SIGLEC14: variants seen among roughly 807,000 people sequenced by gnomAD.
SIGLEC14 encodes the protein sialic acid-binding Ig-like lectin 14.
In SIGLEC14, 11 loss-of-function variants were observed where a neutral mutation model predicts 34.2. That is an observed-to-expected ratio of 0.32 (90% CI 0.20 to 0.53). SIGLEC14 has a LOEUF of 0.53. Ranked by LOEUF, SIGLEC14 falls within the 20% of genes least tolerant of loss-of-function variation. The pLI is 0.95. For missense variants in SIGLEC14, 264 were observed against 439.0 expected, an observed-to-expected ratio of 0.60 and a Z score of 3.56; for synonymous variants, 99 against 179.7, an observed-to-expected ratio of 0.55 and a Z score of 3.59.
chr19:51,640,181 A>AAAAC lies in SIGLEC14; in HGVS notation c.*3170_*3173dup, dbSNP rs202010613. Among the ~76,000 whole-genome samples the AAAAC allele has an allele frequency of 1.0e-4, 14 of 139,778 alleles. 1 individual carries two copies. The highest frequency in any genetic ancestry group is 4.8e-4 in the Admixed American group (7 of 14,452). 91.7% of individuals were successfully genotyped at this position (139,778 alleles called of 152,430 possible). ...CAGAGTGAACTCACCACAACACAAC[A>AAAAC]AAACAAACAAACAAAAAATCCTTAC... On this transcript the variant is annotated 3_prime_UTR_variant, in exon 7 of 7. Coordinates refer to ENST00000360844, the MANE Select transcript of SIGLEC14 (RefSeq NM_001098612.3).
intron 6 of SIGLEC14, 49 bp downstream of exon 6, chr19:51,643,488 G>GCCCCC: frequency 7.0e-6 from 9 of 1,290,040 alleles, no homozygotes; most frequent in Non-Finnish European, 9.0e-6. Context: ...GGACAGCTCA[G>GCCCCC]CCCCACCTGG....
chr19:51,643,452 A>C, intron 6 of SIGLEC14, 55 bp from the exon 7 acceptor site: 1 of 1,295,678 alleles, frequency 7.7e-7, no homozygotes, highest in Non-Finnish European at 1.0e-6. Flanking sequence ...TTCTAATTCC[A>C]GGTGGGGCTG....
In SIGLEC14 at chr19:51,643,605, CAGGGTG is replaced by C. The variant is rs1568598540; in HGVS notation, c.1074_1079del (p.Thr359_Leu360del). 1 of 1,530,502 alleles carries C rather than the reference CAGGGTG, an allele frequency of 6.5e-7. No homozygotes were observed. The highest frequency in any genetic ancestry group is 1.7e-5 in the Admixed American group (1 of 57,874). The allele number at this position is 1,530,502 out of a possible 1,614,324, so 94.8% of individuals were successfully genotyped here. On this transcript the variant is annotated inframe_deletion, in exon 6 of 7. Coordinates refer to ENST00000360844, the MANE Select transcript of SIGLEC14 (RefSeq NM_001098612.3). ...CAGCCCCCATGAGAGCCCCCCTGAT[CAGGGTG>C]AGGACGAGGGGCCAGGAGCCCTGCT... is the stretch of plus-strand genomic sequence containing the variant.
chr19:51,645,595 G>A lies in SIGLEC14; in HGVS notation c.701-65C>T, dbSNP rs1984016285. On this transcript the variant is annotated intron_variant, in intron 3 of 6. Transcript: ENST00000360844. ...AGAGGGATGGGCGTGGTCCCGGGAG[G>A]GACCCAAGGAGGGGCCACAGAAACC... 4.7e-6 allele frequency: 7 copies of A among 1,487,882 alleles called. 2 individuals carry two copies. In the Middle Eastern group the frequency reaches 5.2e-4, roughly 110 times the overall value. 92.2% of individuals were successfully genotyped at this position (1,487,882 alleles called of 1,614,324 possible).
At position 51,643,057 on chromosome 19, in the gene SIGLEC14, G is replaced by A. The variant is rs1470082802; in HGVS notation, c.*298C>T. The A allele has an allele frequency of 3.7e-6, 1 of 269,898 alleles. No homozygotes were observed. Among genetic ancestry groups the A allele is most frequent in the Non-Finnish European group, 6.5e-6 (1 of 153,458 alleles). The allele number at this position is 269,898 out of a possible 1,614,324, so 16.7% of individuals were successfully genotyped here. A position where few individuals can be genotyped will look rare whatever the true frequency, so the allele number is the denominator to read the frequency against. On this transcript the variant is annotated 3_prime_UTR_variant, in exon 7 of 7. Transcript: ENST00000360844. Reference sequence around the variant, plus strand: ...AAAAAAAAAAAAAAGGTAACTTTTGGGTAATGGGTAATGGGGGTATAAGAC... The same window carrying A: ...AAAAAAAAAAAAAAGGTAACTTTTGAGTAATGGGTAATGGGGGTATAAGAC...
intron 6 of SIGLEC14, 50 bp downstream of exon 6, chr19:51,643,484 CTCA>C: frequency 7.2e-7 from 1 of 1,395,970 alleles, no homozygotes; most frequent in Non-Finnish European, 9.4e-7. Flanking sequence ...GGCAGGACAG[CTCA>C]GCCCCACCTG....
chr19:51,643,459 G>GGGGGGGGGGGGGGGGGGGGGGGC, intron 6 of SIGLEC14, 62 bp from the exon 7 acceptor site: 1 of 1,380,760 alleles, frequency 7.2e-7, no homozygotes, highest in Non-Finnish European at 9.5e-7. Context: ...TCCAGGTGGG[G>GGGGGGGGGGGGGGGGGGGGGGGC]CTGAGCTGTC....
rs1311832681 is a variant in SIGLEC14 at position 51,640,208 on chromosome 19, A to AGTT, written c.*3144_*3146dup. Among the ~76,000 whole-genome samples the AGTT allele has an allele frequency of 7.2e-6, 1 of 139,686 alleles. No individual in the cohort carries two copies. The highest frequency in any genetic ancestry group is 2.7e-5 in the African/African-American group (1 of 36,848). The allele number at this position is 139,686 out of a possible 152,430, so 91.6% of individuals were successfully genotyped here. ...AACAAACAAACAAAAAATCCTTACAAGTTATAAGCTTTGAATGGGGAAAAA... is the reference window on the plus strand; with the variant it reads ...AACAAACAAACAAAAAATCCTTACAAGTTGTTATAAGCTTTGAATGGGGAAAAA... On this transcript the variant is annotated 3_prime_UTR_variant, in exon 7 of 7. Coordinates refer to ENST00000360844, the MANE Select transcript of SIGLEC14 (RefSeq NM_001098612.3).
chr19:51,643,785 C>A lies in SIGLEC14; in HGVS notation c.1006G>T (p.Val336Leu), dbSNP rs201498725. 29 of 1,518,718 alleles carry A rather than the reference C, an allele frequency of 1.9e-5. 5 individuals are homozygous for A. The highest frequency in any genetic ancestry group is 3.0e-5 in the African/African-American group (2 of 67,580). 94.1% of individuals were successfully genotyped at this position (1,518,718 alleles called of 1,614,324 possible). The change falls in exon 5 of 7, where the codon GTG becomes TTG. Residue 336 changes from valine to leucine, a missense_variant. By Grantham distance (32) the Val-to-Leu change is conservative. This residue lies in a region of SIGLEC14 where 149 missense variants were observed against 184.4 expected (regional missense o/e 0.81). Coordinates refer to ENST00000360844, the MANE Select transcript of SIGLEC14 (RefSeq NM_001098612.3). ...GSQHLSFILS[V>L]QRSSSSCICV... ...CACCTGTCCTGCAACTCACTCTGCA[C>A]AGAAAGGATGAAGGACAGGTGCTGG...
chr19:51,644,032 C>A lies in SIGLEC14; in HGVS notation c.759G>T (p.Leu253=). The change falls in exon 5 of 7, where the codon CTG becomes CTT. Residue 253 remains leucine (L), a synonymous_variant. Transcript: ENST00000360844. The stretch of plus-strand genomic sequence containing the variant: ...CCGACATGCCATTGCTCAGGATCCG[C>A]AGGGCTGGGAAAGAGAAGCACAGCC... The part of the protein sequence containing the change: ...IFFRNGTGTA[L]RILSNGMSVP... 6.6e-7 allele frequency: 1 copy of A among 1,506,820 alleles called. No homozygotes were observed. The highest frequency in any genetic ancestry group is 1.3e-5 in the South Asian group (1 of 79,170). The allele number at this position is 1,506,820 out of a possible 1,614,324, so 93.3% of individuals were successfully genotyped here. A position where few individuals can be genotyped will look rare whatever the true frequency, so the allele number is the denominator to read the frequency against.
rs886374697 is a variant in SIGLEC14, at chr19:51,646,728, C to A, written c.32G>T (p.Trp11Leu). MLPLLLLPLL[W>L]GGSLQEKPVY... is the part of the protein sequence containing the mutation. The stretch of plus-strand genomic sequence containing the variant: ...TCCTCCCTCAGCTCACTCACCCCCC[C>A]ACAGCAGGGGCAGCAGCAGCAGGGG... Residue 11 changes from tryptophan to leucine, a missense_variant, in exon 1 of 7, where the codon TGG becomes TTG. Physicochemically the swap from Trp to Leu is moderately conservative, Grantham distance 61. Coordinates refer to ENST00000360844, the MANE Select transcript of SIGLEC14 (RefSeq NM_001098612.3). The A allele has an allele frequency of 9.0e-5, 57 of 635,220 alleles. No homozygotes were observed. The highest frequency in any genetic ancestry group is 1.3e-4 in the Non-Finnish European group (50 of 394,514). 39.3% of individuals were successfully genotyped at this position (635,220 alleles called of 1,614,324 possible).
chr19:51,643,455 TGG>T lies in SIGLEC14; in HGVS notation c.1149-60_1149-59del. ...CAGCCACTTCAGTTCTAATTCCAGGTGGGGCTGAGCTGTCCTGGGGCAGGACA... is the reference window on the plus strand; with the variant it reads ...CAGCCACTTCAGTTCTAATTCCAGGTGGCTGAGCTGTCCTGGGGCAGGACA... On this transcript the variant is annotated intron_variant, in intron 6 of 6. Transcript: ENST00000360844. The T allele has an allele frequency of 1.5e-6, 2 of 1,294,480 alleles. 1 individual carries two copies. The allele number at this position is 1,294,480 out of a possible 1,614,324, so 80.2% of individuals were successfully genotyped here. A position where few individuals can be genotyped will look rare whatever the true frequency, so the allele number is the denominator to read the frequency against.
Position 51,645,478 on chromosome 19 carries a change from T to C in SIGLEC14, c.753A>G (p.Thr251=). The change falls in exon 4 of 7, where the codon ACA becomes ACG. Residue 251 remains threonine, a splice_region_variant and synonymous_variant. Transcript: ENST00000360844. ...CAGAGGGAAGAGGGTCTTTCCTACCTGTGCCTGTGCCATTTCTGAAGAAGA... is the reference window on the plus strand; with the variant it reads ...CAGAGGGAAGAGGGTCTTTCCTACCCGTGCCTGTGCCATTTCTGAAGAAGA... ...ISIFFRNGTG[T]ALRILSNGMS... is the part of the protein sequence containing the mutation. The C allele has an allele frequency of 6.5e-7, 1 of 1,530,114 alleles. No homozygotes were observed. The highest frequency in any genetic ancestry group is 8.8e-7 in the Non-Finnish European group (1 of 1,139,494). 94.8% of individuals were successfully genotyped at this position (1,530,114 alleles called of 1,614,324 possible).
rs1178393216 is a variant in SIGLEC14 at position 51,644,047 on chromosome 19, G to A, written c.755-11C>T. ...TCAGGATCCGCAGGGCTGGGAAAGA[G>A]AAGCACAGCCAGGTGAGTGGAGCTG... On this transcript the variant is annotated splice_polypyrimidine_tract_variant and intron_variant, in intron 4 of 6. Coordinates refer to ENST00000360844, the MANE Select transcript of SIGLEC14 (RefSeq NM_001098612.3). The A allele has an allele frequency of 6.7e-7, 1 of 1,494,268 alleles. No individual in the cohort carries two copies. Among genetic ancestry groups the A allele is most frequent in the South Asian group, 1.3e-5 (1 of 76,950 alleles). The allele number at this position is 1,494,268 out of a possible 1,614,324, so 92.6% of individuals were successfully genotyped here.
rs769561400 is a variant in SIGLEC14 at position 51,646,412 on chromosome 19, C to T, written c.266G>A (p.Arg89Gln). The change falls in exon 2 of 7, where the codon CGA becomes CAA. Residue 89 changes from arginine (R) to glutamine (Q), a missense_variant. Arg to Gln is a conservative substitution (Grantham distance 43, BLOSUM62 1). Coordinates refer to ENST00000360844, the MANE Select transcript of SIGLEC14 (RefSeq NM_001098612.3). ...CTGGACATCCCCAAGGAGGCGGAATCGGCCCTGGGTCTCTGGCTTCACTCT... is the reference window on the plus strand; with the variant it reads ...CTGGACATCCCCAAGGAGGCGGAATTGGCCCTGGGTCTCTGGCTTCACTCT... Reference protein sequence around the residue: ...DRRVKPETQGRFRLLGDVQKK... With the variant: ...DRRVKPETQGQFRLLGDVQKK... 9.5e-6 allele frequency: 10 copies of T among 1,053,556 alleles called. 1 individual carries two copies. The highest frequency in any genetic ancestry group is 4.8e-5 in the Admixed American group (2 of 41,616). 65.3% of individuals were successfully genotyped at this position (1,053,556 alleles called of 1,614,324 possible).
At position 51,643,608 on chromosome 19, in the gene SIGLEC14, G is replaced by T. The variant is rs1421825311; in HGVS notation, c.1077C>A (p.Thr359=). 6.5e-7 allele frequency: 1 copy of T among 1,530,362 alleles called. No individual in the cohort carries two copies. The highest frequency in any genetic ancestry group is 8.8e-7 in the Non-Finnish European group (1 of 1,140,534). 94.8% of individuals were successfully genotyped at this position (1,530,362 alleles called of 1,614,324 possible). ...KQQGSWPLVL[T]LIRGALMGAG... ...CCCCCATGAGAGCCCCCCTGATCAG[G>T]GTGAGGACGAGGGGCCAGGAGCCCT... The change falls in exon 6 of 7, where the codon ACC becomes ACA. Residue 359 remains threonine (T), a synonymous_variant. Coordinates refer to ENST00000360844, the MANE Select transcript of SIGLEC14 (RefSeq NM_001098612.3).
rs78879098 is a variant in SIGLEC14 at position 51,644,908 on chromosome 19, G to A, written c.754+569C>T. On this transcript the variant is annotated intron_variant, in intron 4 of 6. Coordinates refer to ENST00000360844, the MANE Select transcript of SIGLEC14 (RefSeq NM_001098612.3). ...GGGAAGAACTGGGTTCTGGGACAGA[G>A]CTGTGGGAGGTGGGAAAGTCGAAGG... Among the ~76,000 whole-genome samples, 1,063 of 137,556 alleles carry A rather than the reference G, an allele frequency of 7.7e-3. 178 individuals carry two copies. The highest frequency in any genetic ancestry group is 0.022 in the African/African-American group (776 of 36,036). The allele number at this position is 137,556 out of a possible 152,430, so 90.2% of individuals were successfully genotyped here.
rs1480157237 is a variant in SIGLEC14 at position 51,641,489 on chromosome 19, T to C, written c.*1866A>G. Among the ~76,000 whole-genome samples the C allele has an allele frequency of 1.4e-5, 2 of 139,350 alleles. No individual in the cohort carries two copies. The highest frequency in any genetic ancestry group is 3.1e-5 in the Non-Finnish European group (2 of 65,026). 91.4% of individuals were successfully genotyped at this position (139,350 alleles called of 152,430 possible). A position where few individuals can be genotyped will look rare whatever the true frequency, so the allele number is the denominator to read the frequency against. The stretch of plus-strand genomic sequence containing the variant: ...TCATTCTATTACAAAGACACATGCA[T>C]GCATACATTCACTGCAGCACTATTC... On this transcript the variant is annotated 3_prime_UTR_variant, in exon 7 of 7. Coordinates refer to ENST00000360844, the MANE Select transcript of SIGLEC14 (RefSeq NM_001098612.3).
chr19:51,644,716 C>T (rs10426737), intron 4 of SIGLEC14, among the ~76,000 whole-genome samples: 42,987 of 136,446 alleles, frequency 0.32, 11,131 homozygotes, highest in Non-Finnish European at 0.34. Context: ...CTGTCTACAG[C>T]GATGTCCAGA....
Sources: allele counts gnomAD v4.1 joint callset (sites outside exome capture counted in the v4.1 genomes callset), GRCh38; gene constraint gnomAD v4.1.1; regional missense constraint gnomAD v4.1.1; transcripts MANE v1.5; gene names NCBI Gene and HGNC (gene_info 2026-07-23, HGNC 2026-07-21).